The following ZFHX3 variants were observed in gnomAD, a reference collection of about 807,000 sequenced individuals.
ZFHX3 encodes the protein zinc finger homeobox 3.
A neutral mutation model predicts 279.1 loss-of-function variants in ZFHX3; 42 were observed. The ratio of observed to expected loss-of-function variants is 0.15; its 90% CI spans 0.12 to 0.19. The LOEUF is 0.19. ZFHX3 is among the 10% of genes least tolerant of loss of function. The probability of loss-of-function intolerance (pLI) is 1.00; values close to 1 mark genes in which losing one functional copy is unlikely to be tolerated. For synonymous variants in ZFHX3, 2,293 were observed against 1,957.8 expected (o/e 1.17, Z -4.52); for missense variants, 4,981 against 4,754.0 (o/e 1.05, Z -1.40).
At chr16:73,297,819 T>G (rs1249823438) in intron 4 of ZFHX3, among the ~76,000 whole-genome samples, 1 of 151,938 alleles carries the variant, frequency 6.6e-6, no homozygotes, top group South Asian at 2.1e-4. Context: ...AACCTTATCT[T>G]GTAGAGTTGT....
At chr16:73,526,540 AC>A (rs1228900520) in intron 2 of ZFHX3, among the ~76,000 whole-genome samples, 2 of 152,186 alleles carry the variant, frequency 1.3e-5, no homozygotes, top group Admixed American at 6.5e-5. Context: ...ATTCAAAATG[AC>A]CCAGGCCCTG....
intron 2 of ZFHX3, among the ~76,000 whole-genome samples, chr16:73,674,694 G>T (rs996595833): frequency 2.0e-5 from 3 of 152,112 alleles, no homozygotes; most frequent in African/African-American, 7.2e-5. Context: ...TTAACTAATG[G>T]AATCTAAGCC....
chr16:73,677,788 AC>A (rs1381158167), intron 2 of ZFHX3, among the ~76,000 whole-genome samples: 1 of 152,028 alleles, frequency 6.6e-6, no homozygotes, highest in Non-Finnish European at 1.5e-5. Context: ...CTCCTCCTAA[AC>A]AAAGATGGCA....
chr16:73,547,312 G>A (rs1170084442), intron 2 of ZFHX3, among the ~76,000 whole-genome samples: 1 of 152,000 alleles, frequency 6.6e-6, no homozygotes, highest in Non-Finnish European at 1.5e-5. Flanking sequence ...AAGAAAGAAA[G>A]AAAGAAAAAA....
chr16:73,588,365 T>G (rs935161349), intron 2 of ZFHX3, among the ~76,000 whole-genome samples: 6 of 152,128 alleles, frequency 3.9e-5, no homozygotes, highest in African/African-American at 1.4e-4. Context: ...CTTGGAGTTT[T>G]AGATCTAACT....
At chr16:73,809,240 T>G (rs1051009584) in intron 1 of ZFHX3, 1 of 152,188 alleles carries the variant, frequency 6.6e-6, no homozygotes, top group Non-Finnish European at 1.5e-5. Context: ...CTCTTTTCAG[T>G]GACAAGCATC....
intron 5 of ZFHX3, among the ~76,000 whole-genome samples, chr16:73,155,650 C>T (rs1432700555): frequency 1.3e-5 from 2 of 152,018 alleles, no homozygotes; most frequent in South Asian, 2.1e-4. Flanking sequence ...TGGTGAAACA[C>T]CGTCTCTACT....
In ZFHX3 at chr16:73,723,012, T is replaced by C. The variant is rs564390130; in HGVS notation, c.-1607-42772A>G. On this transcript the variant is annotated intron_variant, in intron 1 of 17. Transcript: ENST00000641206. ...ATAAGTGTGTGGTCTTCAAGCTAAA[T>C]GCTAAGGCCCCATGACATAGTGCAA... is the stretch of plus-strand genomic sequence containing the variant. Among the ~76,000 whole-genome samples, 21 of 152,314 alleles carry C rather than the reference T, an allele frequency of 1.4e-4. No homozygotes were observed. In the South Asian group the frequency reaches 2.3e-3, roughly 17 times the overall value.
At chr16:72,949,603 G>A (rs72795127) in intron 3 of ZFHX3, among the ~76,000 whole-genome samples, 48,724 of 151,752 alleles carry the variant, frequency 0.32, 8,457 homozygotes, top group Middle Eastern at 0.4. Flanking sequence ...GGGGGAAAGC[G>A]GAGGGTGGAG....
chr16:73,408,212 A>C (rs1388365574), intron 3 of ZFHX3, among the ~76,000 whole-genome samples: 2 of 151,906 alleles, frequency 1.3e-5, no homozygotes, highest in African/African-American at 2.4e-5. Context: ...ATGATATCAG[A>C]GTGGACACAG....
At position 73,187,757 on chromosome 16, in the gene ZFHX3, C is replaced by G. The variant is rs147293210; in HGVS notation, c.-1103-43926G>C. Among the ~76,000 whole-genome samples, 614 of 152,324 alleles carry G rather than the reference C, an allele frequency of 4.0e-3. 6 individuals are homozygous for G. Among genetic ancestry groups the G allele is most frequent in the African/African-American group, 0.012 (503 of 41,570 alleles). ...GTGAAGTGGTGACACTTTCATGATG[C>G]TTGGTGTAGAGAAACTGTTGGCGTG... On this transcript the variant is annotated intron_variant, in intron 5 of 17. Transcript: ENST00000641206.
intron 5 of ZFHX3, chr16:73,143,848 A>T (rs1286745718): frequency 8.1e-7 from 1 of 1,236,976 alleles, no homozygotes; most frequent in Non-Finnish European, 1.1e-6. Context: ...AAGAAAAGAA[A>T]GGACAAAAAC....
rs2035272783 is a variant in ZFHX3 at position 72,784,577 on chromosome 16, CAAGAT to C, written c.*2582_*2586del. 6.6e-6 allele frequency: 1 copy of C among 150,852 alleles called. No individual in the cohort carries two copies. Among genetic ancestry groups the C allele is most frequent in the Non-Finnish European group, 1.5e-5 (1 of 67,660 alleles). 9.3% of individuals were successfully genotyped at this position (150,852 alleles called of 1,614,324 possible). The stretch of plus-strand genomic sequence containing the variant: ...TATATATATTTCATAGAGTTACAAA[CAAGAT>C]AAAATAATGGAAAACAAAAAACTGT... On this transcript the variant is annotated 3_prime_UTR_variant, in exon 10 of 10. Coordinates refer to ENST00000268489, the MANE Select transcript of ZFHX3 (RefSeq NM_006885.4).
At position 72,958,512 on chromosome 16, in the gene ZFHX3, C is replaced by A. The variant is rs1567605487; in HGVS notation, c.1634G>T (p.Arg545Met). 3 of 1,614,092 alleles carry A rather than the reference C, an allele frequency of 1.9e-6. No individual in the cohort carries two copies. Among genetic ancestry groups the A allele is most frequent in the Non-Finnish European group, 2.5e-6 (3 of 1,180,050 alleles). ...LMPNVLQTLS[R>M]GTASTSSNSA... ...ATTAGAACTAGTAGAAGCTGTGCCC[C>A]TCGACAGGGTCTGGAGCACGTTAGG... The change falls in exon 2 of 10, where the codon AGG becomes ATG. Residue 545 changes from arginine to methionine, a missense_variant. Physicochemically the swap from Arg to Met is moderately conservative, Grantham distance 91. Around this residue, in one of 7 missense-constraint regions of ZFHX3, gnomAD observed 1,068 missense variants for 935.2 expected, o/e 1.14. Transcript: ENST00000268489.
chr16:73,494,630 G>A (rs992531276), intron 2 of ZFHX3, among the ~76,000 whole-genome samples: 4 of 151,426 alleles, frequency 2.6e-5, no homozygotes, highest in African/African-American at 9.7e-5. Flanking sequence ...GTGTGATCTC[G>A]GCTCACCGCA....
chr16:73,087,249 C>A (rs968040431), intron 8 of ZFHX3, among the ~76,000 whole-genome samples: 9 of 152,136 alleles, frequency 5.9e-5, no homozygotes, highest in African/African-American at 2.2e-4. Flanking sequence ...AACTAACTAC[C>A]TGTTGTGGGT....
chr16:73,290,228 T>G (rs945988903), intron 4 of ZFHX3, among the ~76,000 whole-genome samples: 2 of 152,102 alleles, frequency 1.3e-5, no homozygotes, highest in African/African-American at 4.8e-5. Context: ...GTGAATTCCC[T>G]AACTGACAGC....
At chr16:72,821,244 T>C (rs187829990) in intron 5 of ZFHX3, among the ~76,000 whole-genome samples, 2 of 152,268 alleles carry the variant, frequency 1.3e-5, no homozygotes, top group Non-Finnish European at 1.5e-5. Flanking sequence ...TGAGAACTTA[T>C]ACTTAGGGAA....
chr16:72,871,070 G>A (rs2038149621), intron 4 of ZFHX3, among the ~76,000 whole-genome samples: 1 of 152,158 alleles, frequency 6.6e-6, no homozygotes, highest in Admixed American at 6.5e-5. Context: ...AGTCAAAAAA[G>A]GAAATGTGGT....
Sources: gnomAD v4.1 joint callset for allele counts (sites outside exome capture counted in the v4.1 genomes callset) on GRCh38, gnomAD v4.1.1 for gene constraint, gnomAD v4.1.1 regional missense constraint, MANE v1.5 for transcripts, NCBI Gene and HGNC (gene_info 2026-07-23, HGNC 2026-07-21) for gene names.